Variants in CAMK1D observed in about 807,000 individuals in gnomAD.
CAMK1D encodes the protein calcium/calmodulin dependent protein kinase ID, also known as calcium/calmodulin-dependent protein kinase type 1D.
A neutral mutation model predicts 47.7 loss-of-function variants in CAMK1D; 9 were observed. That is an observed-to-expected ratio of 0.19 (90% CI 0.11 to 0.33). The LOEUF (loss-of-function observed/expected upper bound fraction) is 0.33, where lower values mean the gene tolerates loss of function less well. Among genes scored for constraint, CAMK1D ranks in the 10% least tolerant of loss-of-function variants. The pLI is 1.00. For synonymous variants in CAMK1D, 184 were observed against 184.9 expected (o/e 0.99, Z 0.04); for missense variants, 291 against 488.7 (o/e 0.60, Z 3.81).
chr10:12,822,288 ATGGCTGCAC>A (rs1187765065), intron 8 of CAMK1D, among the ~76,000 whole-genome samples: 4 of 152,214 alleles, frequency 2.6e-5, no homozygotes, highest in Non-Finnish European at 5.9e-5. Flanking sequence ...GTGGCCTGAC[ATGGCTGCAC>A]TGCTGCAGGA....
intron 1 of CAMK1D, among the ~76,000 whole-genome samples, chr10:12,455,129 C>G (rs1833203042): frequency 6.6e-6 from 1 of 152,176 alleles, no homozygotes; most frequent in African/African-American, 2.4e-5. Context: ...CTAGGAGGAG[C>G]CTCAGGCAGC....
At chr10:12,400,274 T>A (rs1564315101) in intron 1 of CAMK1D, among the ~76,000 whole-genome samples, 1 of 152,220 alleles carries the variant, frequency 6.6e-6, no homozygotes, top group African/African-American at 2.4e-5. Flanking sequence ...GAAAGTCTTC[T>A]GAGTGCATCC....
intron 1 of CAMK1D, among the ~76,000 whole-genome samples, chr10:12,482,595 C>T (rs539255930): frequency 1.3e-5 from 2 of 152,284 alleles, no homozygotes; most frequent in Admixed American, 6.5e-5. Context: ...TGGGAACCTG[C>T]GGAACTTTTC....
chr10:12,686,037 C>CACAGTGGCT (rs1164531136), intron 3 of CAMK1D, among the ~76,000 whole-genome samples: 1 of 152,190 alleles, frequency 6.6e-6, no homozygotes, highest in Non-Finnish European at 1.5e-5. Flanking sequence ...GGATTAGAAT[C>CACAGTGGCT]ACAGTGGCTA....
intron 1 of CAMK1D, among the ~76,000 whole-genome samples, chr10:12,427,705 T>TTTTTTTTTTTTTG (rs1564333675): frequency 7.1e-5 from 7 of 98,546 alleles, no homozygotes; most frequent in African/African-American, 2.7e-4. Context: ...TTACTGTTTT[T>TTTTTTTTTTTTTG]TTTTTTTTTT....
chr10:12,549,134 G>A (rs1836498051), intron 1 of CAMK1D, among the ~76,000 whole-genome samples: 2 of 152,200 alleles, frequency 1.3e-5, no homozygotes, highest in Admixed American at 1.3e-4. Context: ...GGGATTACAG[G>A]CATGAGCCAC....
At chr10:12,414,940 A>C (rs562417336) in intron 1 of CAMK1D, among the ~76,000 whole-genome samples, 152 of 152,256 alleles carry the variant, frequency 1.0e-3, no homozygotes, top group African/African-American at 3.6e-3. Flanking sequence ...AAAAGGTTCC[A>C]TTTAACACTC....
chr10:12,380,616 G>A (rs1159063921), intron 1 of CAMK1D, among the ~76,000 whole-genome samples: 2 of 152,118 alleles, frequency 1.3e-5, no homozygotes, highest in Non-Finnish European at 1.5e-5. Context: ...CCAGCACTTT[G>A]GGAGGCCAAG....
intron 3 of CAMK1D, among the ~76,000 whole-genome samples, chr10:12,684,936 G>A (rs144179321): frequency 1.4e-3 from 209 of 152,340 alleles, no homozygotes; most frequent in Admixed American, 4.1e-3. Flanking sequence ...TGCCTCCTGA[G>A]AGTTCAACAA....
intron 1 of CAMK1D, among the ~76,000 whole-genome samples, chr10:12,463,802 G>C (rs1833510066): frequency 6.6e-6 from 1 of 152,066 alleles, no homozygotes; most frequent in South Asian, 2.1e-4. Flanking sequence ...GGAGAGACCA[G>C]GTGGAGGTAA....
chr10:12,714,609 C>T (rs1834050332), intron 3 of CAMK1D, among the ~76,000 whole-genome samples: 1 of 152,108 alleles, frequency 6.6e-6, no homozygotes, highest in Admixed American at 6.5e-5. Context: ...ATCTCATCTA[C>T]TCAGGAGGCT....
At chr10:12,571,039 G>A (rs531766513) in intron 2 of CAMK1D, among the ~76,000 whole-genome samples, 23 of 152,230 alleles carry the variant, frequency 1.5e-4, no homozygotes, top group African/African-American at 5.5e-4. Context: ...CTCCCAAAAT[G>A]CAGTTGTTCC....
intron 1 of CAMK1D, among the ~76,000 whole-genome samples, chr10:12,546,326 G>A (rs1836369904): frequency 6.6e-6 from 1 of 152,042 alleles, no homozygotes; most frequent in Non-Finnish European, 1.5e-5. Flanking sequence ...TGAGAGTCTT[G>A]TCAGCGGAAA....
chr10:12,826,068 CG>C, intron 10 of CAMK1D: 1 of 205,764 alleles, frequency 4.9e-6, no homozygotes, highest in Non-Finnish European at 9.9e-6. Context: ...ACCCAGGAAG[CG>C]GAGGTTGCAA....
intron 3 of CAMK1D, among the ~76,000 whole-genome samples, chr10:12,734,312 G>A: frequency 9.6e-6 from 1 of 103,954 alleles, no homozygotes; most frequent in Non-Finnish European, 1.8e-5. Flanking sequence ...AACACAGCGA[G>A]ACTCCATCTC....
chr10:12,805,738 G>T (rs1783005485), intron 6 of CAMK1D, among the ~76,000 whole-genome samples: 7 of 152,206 alleles, frequency 4.6e-5, no homozygotes, highest in Admixed American at 4.6e-4. Context: ...TGAAGAATGA[G>T]AACTGTTTGG....
intron 1 of CAMK1D, among the ~76,000 whole-genome samples, chr10:12,517,017 T>C (rs1156881224): frequency 6.6e-6 from 1 of 152,264 alleles, no homozygotes; most frequent in Non-Finnish European, 1.5e-5. Context: ...TTCATAGACA[T>C]GATCTGTCCA....
At chr10:12,477,095 G>A (rs1399440099) in intron 1 of CAMK1D, among the ~76,000 whole-genome samples, 1 of 152,102 alleles carries the variant, frequency 6.6e-6, no homozygotes, top group Admixed American at 6.6e-5. Flanking sequence ...GCATGGGATT[G>A]TCAGAAAGAA....
chr10:12,697,806 T>C (rs889385729), intron 3 of CAMK1D, among the ~76,000 whole-genome samples: 6 of 152,162 alleles, frequency 3.9e-5, no homozygotes, highest in African/African-American at 4.8e-5. Context: ...CAGTCTGGAT[T>C]TTGGCCGGGC....
Sources: allele counts gnomAD v4.1 joint callset (sites outside exome capture counted in the v4.1 genomes callset), GRCh38; gene constraint gnomAD v4.1.1; transcripts MANE v1.5; gene names NCBI Gene and HGNC (gene_info 2026-07-23, HGNC 2026-07-21).